Variants in NPHP4 observed in about 807,000 individuals in gnomAD.
NPHP4 encodes the protein nephrocystin-4.
A neutral mutation model predicts 155.8 loss-of-function variants in NPHP4; 151 were observed. The ratio of observed to expected loss-of-function variants is 0.97; its 90% CI spans 0.85 to 1.11. NPHP4 has a LOEUF of 1.11. Ranked by LOEUF, NPHP4 falls within the 50% of genes least tolerant of loss-of-function variation. NPHP4 has a pLI of 0.00. For synonymous variants in NPHP4, 845 were observed against 816.8 expected, an observed-to-expected ratio of 1.03 and a Z score of -0.59; for missense variants, 1,956 against 1,925.7, an observed-to-expected ratio of 1.02 and a Z score of -0.29.
Position 5,874,621 on chromosome 1 carries a change from CT to C in NPHP4, c.3080del (p.Lys1027ArgfsTer56). 3 of 1,612,198 alleles carry C rather than the reference CT, an allele frequency of 1.9e-6. No individual in the cohort carries two copies. Among genetic ancestry groups the C allele is most frequent in the Non-Finnish European group, 2.5e-6 (3 of 1,179,570 alleles). On this transcript the variant is annotated frameshift_variant, in exon 22 of 30. Transcript: ENST00000378156. LOFTEE classifies it high-confidence loss of function. ...IVDSQEWRDF[K>X]GAAGLHTPVE... ...CCGGTGTGTGCAGGCCAGCAGCACCCTTGAAGTCCCTCCACTCCTGACTGTC... is the reference window on the plus strand; with the variant it reads ...CCGGTGTGTGCAGGCCAGCAGCACCCTGAAGTCCCTCCACTCCTGACTGTC...
rs1643998643 is a variant in NPHP4, at chr1:5,889,456, A to G, written c.2304+1412T>C. ...AGTCTATGTCAACAAGCGTAACGGC[A>G]CTTGTTTAAGGGGCTCTTCGTGTAG... On this transcript the variant is annotated intron_variant, in intron 17 of 29. Coordinates refer to ENST00000378156, the MANE Select transcript of NPHP4 (RefSeq NM_015102.5). The surrounding 1 kb of genome is among the most constrained non-coding windows in gnomAD (Gnocchi z 4.2). 6.6e-6 allele frequency among the ~76,000 whole-genome samples: 1 copy of G among 152,224 alleles called. No homozygotes were observed. Among genetic ancestry groups the G allele is most frequent in the African/African-American group, 2.4e-5 (1 of 41,450 alleles).
In NPHP4 at chr1:5,889,584, G is replaced by A. The variant is rs1305582403; in HGVS notation, c.2304+1284C>T. Among the ~76,000 whole-genome samples, 1 of 152,162 alleles carries A rather than the reference G, an allele frequency of 6.6e-6. No individual in the cohort carries two copies. The highest frequency in any genetic ancestry group is 1.9e-4 in the East Asian group (1 of 5,196). On this transcript the variant is annotated intron_variant, in intron 17 of 29. Coordinates refer to ENST00000378156, the MANE Select transcript of NPHP4 (RefSeq NM_015102.5). This position sits in a 1 kb window ranked among gnomAD's most constrained non-coding sequence, Gnocchi z 4.2. ...GCCACTGCCACCCCACACATGCCCAGCGGGACCCGGCTCTGCCTCCCACAC... is the reference window on the plus strand; with the variant it reads ...GCCACTGCCACCCCACACATGCCCAACGGGACCCGGCTCTGCCTCCCACAC...
chr1:5,894,007 G>A (rs1372398499), intron 16 of NPHP4, among the ~76,000 whole-genome samples: 1 of 152,066 alleles, frequency 6.6e-6, no homozygotes, highest in Non-Finnish European at 1.5e-5. Context: ...TTATAATATT[G>A]GAATACAGAG....
At chr1:5,990,048 G>A (rs959377667) in intron 1 of NPHP4, among the ~76,000 whole-genome samples, 2 of 152,198 alleles carry the variant, frequency 1.3e-5, no homozygotes, top group South Asian at 2.1e-4. Flanking sequence ...GAGCCCAAGC[G>A]CCCGCAGCAG....
Position 5,875,019 on chromosome 1 carries a change from T to A in NPHP4, c.2899A>T (p.Ile967Phe). Reference sequence around the variant, plus strand: ...ATGGCCAGGCTCAGCAGGCTGGCGATGCTCTCGGCCTTCGTGCGTTCCCGG... The same window carrying A: ...ATGGCCAGGCTCAGCAGGCTGGCGAAGCTCTCGGCCTTCGTGCGTTCCCGG... ...AYRERTKAES[I>F]ASLLSLAITT... is the part of the protein sequence containing the mutation. Residue 967 changes from isoleucine (I) to phenylalanine (F), a missense_variant, in exon 21 of 30, where the codon ATC (isoleucine) becomes TTC (phenylalanine). Transcript: ENST00000378156. 5 of 1,611,146 alleles carry A rather than the reference T, an allele frequency of 3.1e-6. No homozygotes were observed. Among genetic ancestry groups the A allele is most frequent in the Non-Finnish European group, 4.2e-6 (5 of 1,179,876 alleles).
At chr1:5,955,253 A>G (rs2102034249) in intron 6 of NPHP4, among the ~76,000 whole-genome samples, 1 of 152,374 alleles carries the variant, frequency 6.6e-6, no homozygotes, top group East Asian at 1.9e-4. Context: ...GAGGACGTGG[A>G]GAAAAGGGAA....
intron 2 of NPHP4, among the ~76,000 whole-genome samples, chr1:5,981,041 T>C (rs989606110): frequency 1.3e-5 from 2 of 152,114 alleles, no homozygotes; most frequent in African/African-American, 4.8e-5. Context: ...CAACGTGAGC[T>C]CTCTGAGGAC....
At chr1:5,875,850 G>A (rs906458270) in intron 20 of NPHP4, 2 of 152,412 alleles carry the variant, frequency 1.3e-5, no homozygotes, top group Admixed American at 1.3e-4. Flanking sequence ...ACACAGAGGA[G>A]GCTGAGGCGT....
chr1:5,964,943 T>TATATATA, intron 5 of NPHP4, among the ~76,000 whole-genome samples: 1 of 52,434 alleles, frequency 1.9e-5, no homozygotes, highest in South Asian at 5.2e-4. Context: ...ATATATATAT[T>TATATATA]TTTTTTTTTT....
intron 3 of NPHP4, among the ~76,000 whole-genome samples, chr1:5,974,680 T>C (rs1294567879): frequency 1.6e-5 from 1 of 63,116 alleles, no homozygotes; most frequent in Non-Finnish European, 2.9e-5. Flanking sequence ...AATTCATCAT[T>C]TGCAGAAAAA....
chr1:5,875,162 T>C lies in NPHP4; in HGVS notation c.2818-62A>G, dbSNP rs963030. 615,613 of 1,300,782 alleles carry C rather than the reference T, an allele frequency of 0.47. 148,787 individuals are homozygous for C. The highest frequency in any genetic ancestry group is 0.51 in the Non-Finnish European group (471,831 of 929,482). 80.6% of individuals were successfully genotyped at this position (1,300,782 alleles called of 1,614,324 possible). A position where few individuals can be genotyped will look rare whatever the true frequency, so the allele number is the denominator to read the frequency against. On this transcript the variant is annotated intron_variant, in intron 20 of 29. Coordinates refer to ENST00000378156, the MANE Select transcript of NPHP4 (RefSeq NM_015102.5). ...GCACACTCTCCTCCACAAGGGGCTATTGCTGGCTGCCCACCACCCGCGATC... is the reference window on the plus strand; with the variant it reads ...GCACACTCTCCTCCACAAGGGGCTACTGCTGGCTGCCCACCACCCGCGATC...
intron 28 of NPHP4, 107 bp from the exon 29 acceptor site, chr1:5,864,140 C>A: frequency 7.5e-7 from 1 of 1,339,380 alleles, no homozygotes; most frequent in Non-Finnish European, 1.0e-6. Flanking sequence ...ACGGGGACCC[C>A]CACAGAGATA....
rs1644846158 is a variant in NPHP4, at chr1:5,905,004, A to G, written c.1956-200T>C. On this transcript the variant is annotated intron_variant, in intron 15 of 29. Coordinates refer to ENST00000378156, the MANE Select transcript of NPHP4 (RefSeq NM_015102.5). This position sits in a 1 kb window ranked among gnomAD's most constrained non-coding sequence, Gnocchi z 4.0. Reference sequence around the variant, plus strand: ...CAGCAGCATTCTCGAGTGTAAGGACACTCCCGGCTAGAGAAGCTGCCTTTG... The same window carrying G: ...CAGCAGCATTCTCGAGTGTAAGGACGCTCCCGGCTAGAGAAGCTGCCTTTG... Among the ~76,000 whole-genome samples the G allele has an allele frequency of 6.6e-6, 1 of 151,984 alleles. No individual in the cohort carries two copies. Among genetic ancestry groups the G allele is most frequent in the Admixed American group, 6.5e-5 (1 of 15,268 alleles).
intron 12 of NPHP4, among the ~76,000 whole-genome samples, chr1:5,908,258 T>C (rs1295143431): frequency 6.6e-6 from 1 of 152,186 alleles, no homozygotes; most frequent in East Asian, 1.9e-4. Flanking sequence ...CCAGGGAAAA[T>C]GCCAGGTTGG....
chr1:5,991,742 G>A lies in NPHP4; in HGVS notation c.-39+502C>T, dbSNP rs189148475. On this transcript the variant is annotated intron_variant, in intron 1 of 29. Transcript: ENST00000378156. ...GCCCGAAGGCCGCAGAGCCACCGCG[G>A]GGAACTGACAGCCGGAGCCGGAGCT... 7.2e-3 allele frequency among the ~76,000 whole-genome samples: 1,100 copies of A among 152,030 alleles called. 7 individuals are homozygous for A. Among genetic ancestry groups the A allele is most frequent in the Non-Finnish European group, 0.01 (712 of 67,886 alleles).
At chr1:5,989,207 G>A (rs970604782) in intron 1 of NPHP4, among the ~76,000 whole-genome samples, 73 of 152,138 alleles carry the variant, frequency 4.8e-4, no homozygotes, top group African/African-American at 1.7e-3. Flanking sequence ...CAGAGCCCCA[G>A]GAGCCACCAC....
rs1644951442 is a variant in NPHP4 at position 5,907,198 on chromosome 1, AGGCCGCCAG to A, written c.1519_1527del (p.Leu507_Ala509del). 6.3e-7 allele frequency: 1 copy of A among 1,584,158 alleles called. No homozygotes were observed. The highest frequency in any genetic ancestry group is 1.8e-5 in the Admixed American group (1 of 56,192). ...CAGTGCTGAGTCGGGGACCGCGGGG[AGGCCGCCAG>A]CTGGGAAATTGACAACTGGAAGGAA... On this transcript the variant is annotated inframe_deletion, in exon 13 of 30. Transcript: ENST00000378156.
chr1:5,863,115 G>C lies in NPHP4; in HGVS notation c.*150C>G. 1.3e-6 allele frequency: 1 copy of C among 778,532 alleles called. No individual in the cohort carries two copies. Among genetic ancestry groups the C allele is most frequent in the Non-Finnish European group, 2.2e-6 (1 of 457,146 alleles). 48.2% of individuals were successfully genotyped at this position (778,532 alleles called of 1,614,324 possible). On this transcript the variant is annotated 3_prime_UTR_variant, in exon 30 of 30. Coordinates refer to ENST00000378156, the MANE Select transcript of NPHP4 (RefSeq NM_015102.5). ...AGGTACTACAAAATGACCAGCGCTCGGTCTCTGCTTCCTCAGCCAAGTGCA... is the reference window on the plus strand; with the variant it reads ...AGGTACTACAAAATGACCAGCGCTCCGTCTCTGCTTCCTCAGCCAAGTGCA...
At chr1:5,982,264 C>A (rs1654833240) in intron 2 of NPHP4, among the ~76,000 whole-genome samples, 1 of 152,144 alleles carries the variant, frequency 6.6e-6, no homozygotes, top group Non-Finnish European at 1.5e-5. Context: ...GTATATATGA[C>A]TGGCCCCTTA....
Sources: gnomAD v4.1 joint callset for allele counts (sites outside exome capture counted in the v4.1 genomes callset) on GRCh38, gnomAD v4.1.1 for gene constraint, Gnocchi (gnomAD v3.1) non-coding constraint, MANE v1.5 for transcripts, NCBI Gene and HGNC (gene_info 2026-07-23, HGNC 2026-07-21) for gene names.